Variants in GPC5 observed in about 807,000 individuals in gnomAD.
GPC5 encodes glypican-5.
In GPC5, 47 loss-of-function variants were observed where a neutral mutation model predicts 53.9. The observed-to-expected ratio is 0.87, with a 90% CI of 0.69 to 1.11. The LOEUF is 1.11. GPC5 is among the 50% of genes most tolerant of loss of function. GPC5 has a pLI of 0.00. For missense variants in GPC5, 748 were observed against 713.1 expected, an observed-to-expected ratio of 1.05 and a Z score of -0.56; for synonymous variants, 286 against 263.3, an observed-to-expected ratio of 1.09 and a Z score of -0.84.
chr13:91,785,877 A>G (rs1446799452), intron 5 of GPC5, among the ~76,000 whole-genome samples: 3 of 152,202 alleles, frequency 2.0e-5, no homozygotes, highest in Non-Finnish European at 4.4e-5. Context: ...CTGAGATTCC[A>G]TTAATTCCAA....
At chr13:92,756,294 A>T (rs2139332864) in intron 7 of GPC5, among the ~76,000 whole-genome samples, 1 of 152,234 alleles carries the variant, frequency 6.6e-6, no homozygotes, top group East Asian at 1.9e-4. Context: ...TTCATGCTAA[A>T]AACTCTCAAT....
intron 7 of GPC5, among the ~76,000 whole-genome samples, chr13:92,486,641 A>G (rs1879564552): frequency 6.6e-6 from 1 of 152,210 alleles, no homozygotes; most frequent in Admixed American, 6.5e-5. Flanking sequence ...TTGTATTTCT[A>G]TGAAAGGAAA....
At chr13:91,904,161 T>A (rs898342746) in intron 5 of GPC5, among the ~76,000 whole-genome samples, 1 of 148,390 alleles carries the variant, frequency 6.7e-6, no homozygotes, top group African/African-American at 2.5e-5. Flanking sequence ...TTTTTTTTTT[T>A]AAGGCAGGTC....
At chr13:91,455,598 G>A (rs1465838549) in intron 2 of GPC5, among the ~76,000 whole-genome samples, 1 of 152,038 alleles carries the variant, frequency 6.6e-6, no homozygotes, top group African/African-American at 2.4e-5. Flanking sequence ...TCTGTCCTAG[G>A]TACAGATATC....
intron 2 of GPC5, among the ~76,000 whole-genome samples, chr13:91,458,797 A>G (rs1051617060): frequency 6.6e-6 from 1 of 152,142 alleles, no homozygotes; most frequent in Non-Finnish European, 1.5e-5. Context: ...ATATGGAAGC[A>G]GCCCAAATGT....
chr13:91,403,005 T>C (rs1377689507), intron 1 of GPC5, among the ~76,000 whole-genome samples: 1 of 152,160 alleles, frequency 6.6e-6, no homozygotes, highest in Non-Finnish European at 1.5e-5. Flanking sequence ...TGTAGGGAGG[T>C]AAAATAGTGC....
chr13:91,802,165 G>A (rs1317625119), intron 5 of GPC5, among the ~76,000 whole-genome samples: 4 of 152,080 alleles, frequency 2.6e-5, no homozygotes, highest in South Asian at 4.2e-4. Flanking sequence ...GCGGACCCTC[G>A]TGGTGAGTGT....
At chr13:92,066,980 C>T (rs2041172587) in intron 6 of GPC5, among the ~76,000 whole-genome samples, 1 of 151,958 alleles carries the variant, frequency 6.6e-6, no homozygotes, top group Non-Finnish European at 1.5e-5. Flanking sequence ...TAAGCTTTTT[C>T]CCCTAGCAAT....
chr13:92,039,740 A>G (rs1380814949), intron 6 of GPC5, among the ~76,000 whole-genome samples: 1 of 151,930 alleles, frequency 6.6e-6, no homozygotes, highest in African/African-American at 2.4e-5. Flanking sequence ...TTCTGGCTAT[A>G]CCTTCACGTG....
chr13:92,065,681 A>C (rs2041162137), intron 6 of GPC5, among the ~76,000 whole-genome samples: 1 of 152,170 alleles, frequency 6.6e-6, no homozygotes, highest in African/African-American at 2.4e-5. Context: ...CATTTTGAAA[A>C]ATCATTTAAG....
intron 5 of GPC5, among the ~76,000 whole-genome samples, chr13:91,862,054 G>C (rs2039035819): frequency 6.6e-6 from 1 of 151,800 alleles, no homozygotes; most frequent in African/African-American, 2.4e-5. Flanking sequence ...AATTTTAATA[G>C]TTTCCCTTCA....
intron 7 of GPC5, among the ~76,000 whole-genome samples, chr13:92,648,507 C>T (rs945475358): frequency 1.3e-5 from 2 of 152,088 alleles, no homozygotes; most frequent in African/African-American, 4.8e-5. Context: ...AGCCACCATT[C>T]ACCTCTGCTA....
At chr13:91,906,812 C>A (rs1411985228) in intron 5 of GPC5, among the ~76,000 whole-genome samples, 1 of 151,784 alleles carries the variant, frequency 6.6e-6, no homozygotes, top group African/African-American at 2.4e-5. Flanking sequence ...TGAAATGACC[C>A]TTTTACATAC....
chr13:92,838,494 A>G (rs1266319530), intron 7 of GPC5, among the ~76,000 whole-genome samples: 1 of 151,702 alleles, frequency 6.6e-6, no homozygotes, highest in African/African-American at 2.4e-5. Context: ...CCCCCAAAAA[A>G]AAAAAGAAAA....
chr13:92,545,068 C>T (rs892775234), intron 7 of GPC5, among the ~76,000 whole-genome samples: 1 of 151,950 alleles, frequency 6.6e-6, no homozygotes, highest in Non-Finnish European at 1.5e-5. Context: ...ATACCTCCCC[C>T]CTCACCCCAC....
intron 6 of GPC5, among the ~76,000 whole-genome samples, chr13:92,032,320 C>A (rs2040858913): frequency 6.6e-6 from 1 of 151,246 alleles, no homozygotes; most frequent in African/African-American, 2.4e-5. Context: ...TAAAAGACTA[C>A]AAATTGAGTT....
intron 6 of GPC5, among the ~76,000 whole-genome samples, chr13:92,037,748 T>A (rs1566406526): frequency 6.6e-6 from 1 of 152,128 alleles, no homozygotes; most frequent in Non-Finnish European, 1.5e-5. Context: ...TTATCCTGTG[T>A]GAAACTTAGA....
chr13:92,286,896 T>A (rs1307085043), intron 7 of GPC5, among the ~76,000 whole-genome samples: 58 of 151,974 alleles, frequency 3.8e-4, no homozygotes, highest in Non-Finnish European at 4.4e-5. Flanking sequence ...AAAATATCAC[T>A]AGTAAAAAAG....
intron 7 of GPC5, among the ~76,000 whole-genome samples, chr13:92,520,446 T>G (rs1880995710): frequency 6.6e-6 from 1 of 152,106 alleles, no homozygotes; most frequent in Non-Finnish European, 1.5e-5. Flanking sequence ...TCAAGTGCAC[T>G]TCATCCCTGG....
Sources: allele counts gnomAD v4.1 joint callset (sites outside exome capture counted in the v4.1 genomes callset), GRCh38; gene constraint gnomAD v4.1.1; transcripts MANE v1.5; gene names NCBI Gene and HGNC (gene_info 2026-07-23, HGNC 2026-07-21).